DHX32: variants seen among roughly 807,000 people sequenced by gnomAD.
The protein encoded by DHX32 is DEAH-box helicase 32 (putative).
A neutral mutation model predicts 70.0 loss-of-function variants in DHX32; 51 were observed. The observed-to-expected ratio is 0.73, with a 90% CI of 0.58 to 0.92. The LOEUF (loss-of-function observed/expected upper bound fraction) is 0.92. Ranked by LOEUF, DHX32 falls within the 40% of genes least tolerant of loss-of-function variation. The pLI, the probability that DHX32 is intolerant of heterozygous loss-of-function variation, is 0.00. For missense variants in DHX32, 762 were observed against 891.8 expected (o/e 0.85, Z 1.85); for synonymous variants, 310 against 315.3 (o/e 0.98, Z 0.18).
At chr10:125,865,807 G>A (rs1944217117) in intron 2 of DHX32, among the ~76,000 whole-genome samples, 1 of 152,090 alleles carries the variant, frequency 6.6e-6, no homozygotes, top group Non-Finnish European at 1.5e-5. Context: ...GGGATTATGG[G>A]CATTAGCCAC....
intron 3 of DHX32, chr10:125,854,963 C>A (rs920488711): frequency 2.6e-5 from 4 of 152,160 alleles, no homozygotes; most frequent in African/African-American, 9.7e-5. Context: ...TGGTGGCTCA[C>A]GCCTGTAATC....
intron 1 of DHX32, among the ~76,000 whole-genome samples, chr10:125,877,346 AAAACATCTGTTG>A (rs879468349): frequency 0.015 from 2,242 of 151,856 alleles, 22 homozygotes; most frequent in Non-Finnish European, 0.024. Context: ...AATCAGATAA[AAAACATCTGTTG>A]TCCAGCCCTC....
intron 6 of DHX32, among the ~76,000 whole-genome samples, chr10:125,851,737 T>C (rs1944091518): frequency 6.6e-6 from 1 of 151,904 alleles, no homozygotes; most frequent in Admixed American, 6.6e-5. Flanking sequence ...GCTGTCACTT[T>C]GTAAAAGAAA....
chr10:125,890,380 AATAT>A (rs567641397), intron 1 of DHX32, among the ~76,000 whole-genome samples: 412 of 152,364 alleles, frequency 2.7e-3, no homozygotes, highest in African/African-American at 9.6e-3. Context: ...ATCTCCCAAA[AATAT>A]ATCCTATTTG....
upstream of DHX32, among the ~76,000 whole-genome samples, chr10:125,883,106 T>C (rs973786969): frequency 2.3e-4 from 35 of 152,210 alleles, no homozygotes; most frequent in African/African-American, 8.0e-4. Flanking sequence ...AGTAAATTCT[T>C]ACTTATAAAG....
At chr10:125,845,156 A>G (rs1028871222) in intron 6 of DHX32, among the ~76,000 whole-genome samples, 1 of 152,196 alleles carries the variant, frequency 6.6e-6, no homozygotes, top group African/African-American at 2.4e-5. Context: ...GCAGTTCCAG[A>G]GCTGACAGCC....
intron 1 of DHX32, among the ~76,000 whole-genome samples, chr10:125,886,628 T>C (rs1280341153): frequency 6.6e-6 from 1 of 152,312 alleles, no homozygotes; most frequent in Non-Finnish European, 1.5e-5. Flanking sequence ...ATTCTTAGAA[T>C]TCTTTAAGAC....
chr10:125,869,613 C>T (rs145152817), intron 1 of DHX32: 11 of 152,210 alleles, frequency 7.2e-5, no homozygotes, highest in African/African-American at 2.4e-4. Context: ...GAGACAGGGT[C>T]TCGCTCTGTT....
chr10:125,856,204 A>G (rs371873739), intron 3 of DHX32, among the ~76,000 whole-genome samples: 77 of 152,326 alleles, frequency 5.1e-4, no homozygotes, highest in African/African-American at 1.8e-3. Flanking sequence ...AACTACCTGC[A>G]CAGTTACGGA....
chr10:125,855,260 T>C (rs992199245), intron 3 of DHX32, among the ~76,000 whole-genome samples: 2 of 149,186 alleles, frequency 1.3e-5, no homozygotes, highest in Non-Finnish European at 3.0e-5. Context: ...AAAGAATGAG[T>C]ACTTGAGCTG....
chr10:125,856,794 CA>C (rs780390974), intron 3 of DHX32, among the ~76,000 whole-genome samples: 21 of 150,508 alleles, frequency 1.4e-4, no homozygotes, highest in Non-Finnish European at 2.1e-4. Context: ...AAAAAAAAAA[CA>C]AAAAACAAAA....
chr10:125,858,207 C>G (rs1944160819), intron 3 of DHX32, among the ~76,000 whole-genome samples: 1 of 152,152 alleles, frequency 6.6e-6, no homozygotes, highest in Non-Finnish European at 1.5e-5. Flanking sequence ...GGCCTACGTC[C>G]TGTTTTTCAC....
At chr10:125,863,450 A>T (rs1020274689) in intron 2 of DHX32, among the ~76,000 whole-genome samples, 1 of 143,866 alleles carries the variant, frequency 7.0e-6, no homozygotes. Flanking sequence ...TCAATGATCA[A>T]TTTTTTTTTT....
At chr10:125,853,883 C>T in intron 4 of DHX32, 78 bp downstream of exon 4, 1 of 1,523,618 alleles carries the variant, frequency 6.6e-7, no homozygotes, top group Non-Finnish European at 8.8e-7. Context: ...ACTTCCTGAT[C>T]AGTAAAATGG....
chr10:125,838,471 A>G, intron 9 of DHX32, 84 bp from the exon 10 acceptor site: 1 of 1,269,404 alleles, frequency 7.9e-7, no homozygotes, highest in Non-Finnish European at 1.1e-6. Context: ...AAAAATACCA[A>G]AGTATTTTAT....
intron 2 of DHX32, among the ~76,000 whole-genome samples, chr10:125,865,488 C>T (rs1355310685): frequency 6.6e-6 from 1 of 152,158 alleles, no homozygotes; most frequent in Non-Finnish European, 1.5e-5. Context: ...TGAAGATAAA[C>T]GTTTGAGGGA....
chr10:125,852,315 G>A lies in DHX32; in HGVS notation c.1329C>T (p.His443=), dbSNP rs993927188. The A allele has an allele frequency of 1.3e-5, 21 of 1,614,014 alleles. No individual in the cohort carries two copies. Among genetic ancestry groups the A allele is most frequent in the Non-Finnish European group, 1.8e-5 (21 of 1,180,032 alleles). Residue 443 remains histidine (H), a synonymous_variant, in exon 6 of 11, where the codon CAC becomes CAT. Transcript: ENST00000284690. ...TACCTGGTCTGTTCATGAAGTCACA[G>A]TGGCCTAGGCCCGCAATGTCTATCC... ...MKRIDIAGLG[H]CDFMNRPAPE... is the part of the protein sequence containing the mutation.
intron 1 of DHX32, among the ~76,000 whole-genome samples, chr10:125,893,241 A>C (rs2134086000): frequency 6.6e-6 from 1 of 152,254 alleles, no homozygotes; most frequent in Middle Eastern, 3.4e-3. Context: ...TTATTTATTT[A>C]ACTTTTATTT....
chr10:125,857,025 A>G (rs922948060), intron 3 of DHX32, among the ~76,000 whole-genome samples: 1 of 152,234 alleles, frequency 6.6e-6, no homozygotes, highest in Non-Finnish European at 1.5e-5. Context: ...TTGTTTTCAC[A>G]TGATATTTAA....
Sources: gnomAD v4.1 joint callset for allele counts (sites outside exome capture counted in the v4.1 genomes callset) on GRCh38, gnomAD v4.1.1 for gene constraint, MANE v1.5 for transcripts, NCBI Gene and HGNC (gene_info 2026-07-23, HGNC 2026-07-21) for gene names.